Variants in LEPR observed in about 807,000 individuals in gnomAD.
LEPR encodes OB receptor.
LEPR carries 56 observed loss-of-function variants against 114.7 expected under a neutral mutation model. The observed-to-expected ratio is 0.49, with a 90% confidence interval of 0.39 to 0.61. The LOEUF is 0.61. Ranked by LOEUF, LEPR falls within the 20% of genes least tolerant of loss-of-function variation. LEPR has a pLI of 0.00. For missense variants in LEPR, 1,202 were observed against 1,352.9 expected, an observed-to-expected ratio of 0.89 and a Z score of 1.75; for synonymous variants, 443 against 461.4, an observed-to-expected ratio of 0.96 and a Z score of 0.51.
intron 2 of LEPR, among the ~76,000 whole-genome samples, chr1:65,447,479 CGAA>C (rs759256041): frequency 2.7e-4 from 41 of 149,912 alleles, no homozygotes; most frequent in African/African-American, 9.3e-4. Context: ...GGATTTATAC[CGAA>C]GTAGTTTGGT....
chr1:65,577,826 A>G lies in LEPR; in HGVS notation c.494+5377A>G, dbSNP rs898444503. 6.7e-5 allele frequency: 10 copies of G among 150,118 alleles called. 1 individual carries two copies. Among genetic ancestry groups the G allele is most frequent in the African/African-American group, 2.2e-4 (9 of 40,024 alleles). 9.3% of individuals were successfully genotyped at this position (150,118 alleles called of 1,614,324 possible). On this transcript the variant is annotated intron_variant, in intron 5 of 19. Coordinates refer to ENST00000349533, the MANE Select transcript of LEPR (RefSeq NM_002303.6). ...TGAGCACATTCTTTTTTTTTTTAAT[A>G]TAGTTTAAGTTCTGGGATACACGTG...
chr1:65,509,048 C>A (rs1415404397), intron 2 of LEPR, among the ~76,000 whole-genome samples: 1 of 152,062 alleles, frequency 6.6e-6, no homozygotes, highest in Non-Finnish European at 1.5e-5. Context: ...TATCCTGCAA[C>A]TTTACTGAGT....
intron 1 of LEPR, among the ~76,000 whole-genome samples, chr1:65,422,763 A>C (rs754257469): frequency 3.9e-5 from 6 of 152,192 alleles, no homozygotes; most frequent in Non-Finnish European, 7.3e-5. Flanking sequence ...ACCAGAACTT[A>C]GTGGTGAGGG....
At chr1:65,452,663 C>T (rs1232793846) in intron 2 of LEPR, among the ~76,000 whole-genome samples, 1 of 151,060 alleles carries the variant, frequency 6.6e-6, no homozygotes, top group Non-Finnish European at 1.5e-5. Flanking sequence ...TTTTGATGTG[C>T]TGCTGGATTC....
chr1:65,578,196 C>G (rs1203217425), intron 5 of LEPR: 2 of 152,596 alleles, frequency 1.3e-5, no homozygotes, highest in Non-Finnish European at 2.8e-5. Flanking sequence ...TTTTCCTTAT[C>G]CAGTCCATCA....
At chr1:65,470,891 G>A (rs1647074923) in intron 2 of LEPR, among the ~76,000 whole-genome samples, 1 of 152,178 alleles carries the variant, frequency 6.6e-6, no homozygotes, top group Non-Finnish European at 1.5e-5. Context: ...TAAGTGTGGT[G>A]AGTGAAGTGG....
intron 5 of LEPR, among the ~76,000 whole-genome samples, chr1:65,573,417 G>A (rs1654350332): frequency 6.6e-6 from 1 of 152,138 alleles, no homozygotes; most frequent in South Asian, 2.1e-4. Flanking sequence ...TTTTTCAGAT[G>A]ATTTTTCGTA....
chr1:65,440,000 CAAAAA>C (rs550347312), intron 2 of LEPR, among the ~76,000 whole-genome samples: 25 of 58,142 alleles, frequency 4.3e-4, no homozygotes, highest in African/African-American at 1.5e-3. Flanking sequence ...GATTCTGTCT[CAAAAA>C]AAAAAAAAAA....
At chr1:65,573,322 G>A (rs1263658736) in intron 5 of LEPR, among the ~76,000 whole-genome samples, 1 of 152,194 alleles carries the variant, frequency 6.6e-6, no homozygotes, top group Admixed American at 6.5e-5. Context: ...GTATAGGTGG[G>A]CATGTAGTCT....
intron 5 of LEPR, among the ~76,000 whole-genome samples, chr1:65,573,344 GAAC>G (rs1482286544): frequency 6.6e-6 from 1 of 152,184 alleles, no homozygotes. Context: ...AAAGAAGAGT[GAAC>G]TCAGTTCAGG....
chr1:65,488,816 A>G (rs138029596), intron 2 of LEPR, among the ~76,000 whole-genome samples: 22 of 151,924 alleles, frequency 1.4e-4, no homozygotes, highest in African/African-American at 5.1e-4. Context: ...CTCTATCTCA[A>G]TGGGTTCAAT....
chr1:65,453,490 C>T (rs1646818845), intron 2 of LEPR, among the ~76,000 whole-genome samples: 1 of 151,970 alleles, frequency 6.6e-6, no homozygotes, highest in Non-Finnish European at 1.5e-5. Context: ...TCTTTGTTCT[C>T]GTTGGTTTCA....
rs369572409 is a variant in LEPR, at chr1:65,456,156, G to A, written c.-21+30778G>A. Among the ~76,000 whole-genome samples, 9 of 152,138 alleles carry A rather than the reference G, an allele frequency of 5.9e-5. 1 individual carries two copies. Among genetic ancestry groups the A allele is most frequent in the African/African-American group, 7.2e-5 (3 of 41,540 alleles). On this transcript the variant is annotated intron_variant, in intron 2 of 19. Coordinates refer to ENST00000349533, the MANE Select transcript of LEPR (RefSeq NM_002303.6). ...CAGCTTCGGCTCGTGCACGGTGCGC[G>A]CACCCATTGACCTGCGCCCACTGTC...
chr1:65,438,704 T>G (rs1425526026), intron 2 of LEPR, among the ~76,000 whole-genome samples: 1 of 152,150 alleles, frequency 6.6e-6, no homozygotes, highest in Admixed American at 6.5e-5. Context: ...AAATTTTCTT[T>G]TTCTTTTTTC....
intron 2 of LEPR, chr1:65,525,806 C>A (rs1649909361): frequency 3.0e-6 from 3 of 985,872 alleles, no homozygotes; most frequent in Non-Finnish European, 3.6e-6. Context: ...TCGAGTTGGA[C>A]CCCCGGATCA....
chr1:65,570,356 G>T, intron 3 of LEPR, 117 bp from the exon 4 acceptor site: 1 of 961,220 alleles, frequency 1.0e-6, no homozygotes, highest in Non-Finnish European at 1.5e-6. Context: ...CACTCACTGA[G>T]GACTTAGAAA....
chr1:65,577,466 CAG>C (rs1403056613), intron 5 of LEPR: 1 of 153,862 alleles, frequency 6.5e-6, no homozygotes, highest in African/African-American at 2.5e-5. Context: ...ATTGTGGAAA[CAG>C]ATAACAATTA....
intron 2 of LEPR, among the ~76,000 whole-genome samples, chr1:65,474,395 A>G (rs1647129419): frequency 6.6e-6 from 1 of 152,194 alleles, no homozygotes. Context: ...TTTCAATGAT[A>G]TGGTGAAAAT....
intron 2 of LEPR, among the ~76,000 whole-genome samples, chr1:65,518,873 T>TTCTTTCCTTC (rs763024512): frequency 1.7e-5 from 2 of 117,216 alleles, no homozygotes; most frequent in African/African-American, 6.9e-5. Flanking sequence ...CTTTCTTTCT[T>TTCTTTCCTTC]TTTCTTTCTT....
Sources: allele counts gnomAD v4.1 joint callset (sites outside exome capture counted in the v4.1 genomes callset), GRCh38; gene constraint gnomAD v4.1.1; transcripts MANE v1.5; gene names NCBI Gene and HGNC (gene_info 2026-07-23, HGNC 2026-07-21).